MGST1: variants seen among roughly 807,000 people sequenced by gnomAD.
The protein encoded by MGST1 is microsomal glutathione S-transferase 1.
MGST1 carries 5 observed loss-of-function variants against 8.9 expected under a neutral mutation model. The observed-to-expected ratio is 0.56, with a 90% CI of 0.29 to 1.19. The LOEUF (loss-of-function observed/expected upper bound fraction) is 1.19, where lower values mean the gene tolerates loss of function less well. MGST1 is among the 50% of genes most tolerant of loss of function. The probability of loss-of-function intolerance (pLI) is 0.08; values close to 1 mark genes in which losing one functional copy is unlikely to be tolerated. For synonymous variants in MGST1, 54 were observed against 67.8 expected (o/e 0.80, Z 1.00); for missense variants, 182 against 187.4 (o/e 0.97, Z 0.17).
At chr12:16,357,506 C>A (rs956304797) in intron 2 of MGST1, 99 bp from the exon 3 acceptor site, 1 of 853,774 alleles carries the variant, frequency 1.2e-6, no homozygotes, top group East Asian at 2.8e-5. Flanking sequence ...TGGGCTCAAG[C>A]AATCCTGCCT....
Position 16,532,220 on chromosome 12 carries a change from C to CG in MGST1, n.483-57302dup, listed in dbSNP as rs1214102418. ...TTGTTTTTCTTCAAGAAGCCTCTTG[C>CG]GGGGGGAGAAAACCTCTCTCCCATT... On this transcript the variant is annotated intron_variant and non_coding_transcript_variant, in intron 4 of 4. Coordinates refer to the MGST1 transcript ENST00000538857. Among the ~76,000 whole-genome samples, 7 of 152,112 alleles carry CG rather than the reference C, an allele frequency of 4.6e-5. No individual in the cohort carries two copies. In the East Asian group the frequency reaches 9.7e-4, roughly 21 times the overall value.
chr12:16,490,441 A>G (rs1221385526), intron 4 of MGST1, among the ~76,000 whole-genome samples: 1 of 152,364 alleles, frequency 6.6e-6, no homozygotes, highest in African/African-American at 2.4e-5. Context: ...TAATATGAAC[A>G]AGAAATAAAC....
intron 1 of MGST1, among the ~76,000 whole-genome samples, chr12:16,407,616 A>G (rs1010639847): frequency 7.2e-5 from 11 of 152,198 alleles, no homozygotes; most frequent in African/African-American, 2.7e-4. Flanking sequence ...ATGCATGCAT[A>G]TGTTCACTGC....
chr12:16,478,600 A>G (rs1444785586), intron 4 of MGST1, among the ~76,000 whole-genome samples: 1 of 152,040 alleles, frequency 6.6e-6, no homozygotes, highest in Admixed American at 6.6e-5. Flanking sequence ...TTAAACCACA[A>G]AATTACTAGA....
chr12:16,360,769 T>A (rs1038294174), intron 3 of MGST1, among the ~76,000 whole-genome samples: 1 of 152,176 alleles, frequency 6.6e-6, no homozygotes, highest in African/African-American at 2.4e-5. Context: ...CTGAGAGTGT[T>A]CCATGGAGTC....
rs898418064 is a variant in MGST1 at position 16,548,296 on chromosome 12, C to A, written n.483-41232C>A. 1 of 149,658 alleles carries A rather than the reference C, an allele frequency of 6.7e-6. No homozygotes were observed. The highest frequency in any genetic ancestry group is 2.4e-5 in the African/African-American group (1 of 41,144). 9.3% of individuals were successfully genotyped at this position (149,658 alleles called of 1,614,324 possible). A position where few individuals can be genotyped will look rare whatever the true frequency, so the allele number is the denominator to read the frequency against. The stretch of plus-strand genomic sequence containing the variant: ...TTAGAAAGTAAATGTCCTTACACAC[C>A]TTTTTTTTCTTTTCATGGACTTAAC... On this transcript the variant is annotated intron_variant and non_coding_transcript_variant, in intron 4 of 4. Transcript: ENST00000538857. This position sits in a 1 kb window ranked among gnomAD's most constrained non-coding sequence, Gnocchi z 4.2.
intron 4 of MGST1, among the ~76,000 whole-genome samples, chr12:16,577,763 C>T (rs1235704023): frequency 6.6e-6 from 1 of 152,156 alleles, no homozygotes; most frequent in Non-Finnish European, 1.5e-5. Flanking sequence ...CTTACAATGG[C>T]TCCATCTCAC....
chr12:16,454,742 T>C (rs1941156866), intron 4 of MGST1, among the ~76,000 whole-genome samples: 1 of 151,444 alleles, frequency 6.6e-6, no homozygotes, highest in African/African-American at 2.4e-5. Flanking sequence ...TACTGGAAAA[T>C]ATGTCAAGCA....
At chr12:16,449,683 G>T (rs1009253409) in intron 4 of MGST1, among the ~76,000 whole-genome samples, 1 of 151,904 alleles carries the variant, frequency 6.6e-6, no homozygotes, top group Admixed American at 6.6e-5. Context: ...CTGTGGCTTT[G>T]TGATAAAATC....
chr12:16,551,838 G>A (rs1942001774), intron 4 of MGST1, among the ~76,000 whole-genome samples: 2 of 151,942 alleles, frequency 1.3e-5, no homozygotes, highest in Non-Finnish European at 2.9e-5. Flanking sequence ...TTATTAAAAT[G>A]TGATTAAATG....
At chr12:16,394,857 A>G (rs888279687) in intron 1 of MGST1, among the ~76,000 whole-genome samples, 21 of 152,210 alleles carry the variant, frequency 1.4e-4, no homozygotes, top group African/African-American at 4.3e-4. Flanking sequence ...TCGGCCTCCC[A>G]CAGTGCTGGG....
chr12:16,504,507 A>T (rs1257492147), intron 4 of MGST1, among the ~76,000 whole-genome samples: 13 of 152,074 alleles, frequency 8.5e-5, no homozygotes. Context: ...TTCTCATTCC[A>T]GTAAACTTCT....
intron 1 of MGST1, among the ~76,000 whole-genome samples, chr12:16,395,780 C>CATATATATATATATATATATATATATAT (rs369986291): frequency 3.4e-4 from 42 of 121,800 alleles, no homozygotes; most frequent in Admixed American, 1.5e-3. Flanking sequence ...AGTATTCCAT[C>CATATATATATATATATATATATATATAT]ATATATATAT....
At position 16,347,899 on chromosome 12, in the gene MGST1, G is replaced by T. The variant is rs565820971; in HGVS notation, c.-23+189G>T. ...GAATTGTATTTCTGTCCCCGTGCGGGTAAGTTTTCCCATTTCTCAAACTCC... is the reference window on the plus strand; with the variant it reads ...GAATTGTATTTCTGTCCCCGTGCGGTTAAGTTTTCCCATTTCTCAAACTCC... On this transcript the variant is annotated intron_variant, in intron 1 of 3. Transcript: ENST00000396210. This position sits in a 1 kb window ranked among gnomAD's most constrained non-coding sequence, Gnocchi z 4.0. The T allele has an allele frequency of 1.2e-4, 19 of 152,346 alleles. No homozygotes were observed. The highest frequency in any genetic ancestry group is 4.6e-4 in the African/African-American group (19 of 41,580). 9.4% of individuals were successfully genotyped at this position (152,346 alleles called of 1,614,324 possible).
At chr12:16,538,313 C>T (rs1394338414) in intron 4 of MGST1, among the ~76,000 whole-genome samples, 2 of 152,082 alleles carry the variant, frequency 1.3e-5, no homozygotes, top group Non-Finnish European at 2.9e-5. Context: ...TCATTTTTGT[C>T]AAAGCCATTC....
chr12:16,575,276 A>G, intron 4 of MGST1, among the ~76,000 whole-genome samples: 1 of 152,208 alleles, frequency 6.6e-6, no homozygotes, highest in East Asian at 1.9e-4. Flanking sequence ...ATATAGGCAT[A>G]AGGTCAATTT....
At chr12:16,417,434 A>T (rs764449306) in intron 1 of MGST1, among the ~76,000 whole-genome samples, 1 of 152,178 alleles carries the variant, frequency 6.6e-6, no homozygotes, top group Non-Finnish European at 1.5e-5. Context: ...ATTACAATTC[A>T]AAATGAGATT....
chr12:16,539,182 CAT>C (rs947359978), intron 4 of MGST1, among the ~76,000 whole-genome samples: 2 of 152,118 alleles, frequency 1.3e-5, no homozygotes, highest in African/African-American at 4.8e-5. Context: ...GTTAGGGTAA[CAT>C]ATAATCTATC....
At chr12:16,371,981 G>A (rs953911872) in intron 3 of MGST1, among the ~76,000 whole-genome samples, 4 of 151,890 alleles carry the variant, frequency 2.6e-5, no homozygotes, top group Non-Finnish European at 5.9e-5. Flanking sequence ...GGATCTCCAC[G>A]TGCAGAAAAA....
Sources: allele counts gnomAD v4.1 joint callset (sites outside exome capture counted in the v4.1 genomes callset), GRCh38; gene constraint gnomAD v4.1.1; non-coding constraint Gnocchi (gnomAD v3.1); transcripts MANE v1.5; gene names NCBI Gene and HGNC (gene_info 2026-07-23, HGNC 2026-07-21).